ATXN1: variants seen among roughly 807,000 people sequenced by gnomAD.
The protein encoded by ATXN1 is ataxin-1.
In ATXN1, 8 loss-of-function variants were observed where a neutral mutation model predicts 56.4. The observed-to-expected ratio is 0.14, with a 90% CI of 0.08 to 0.26. ATXN1 has a LOEUF of 0.26. ATXN1 is among the 10% of genes least tolerant of loss of function. ATXN1 has a pLI of 1.00. For synonymous variants in ATXN1, 514 were observed against 494.6 expected, an observed-to-expected ratio of 1.04 and a Z score of -0.52; for missense variants, 987 against 1,106.5, an observed-to-expected ratio of 0.89 and a Z score of 1.53.
intron 3 of ATXN1, among the ~76,000 whole-genome samples, chr6:16,636,925 G>A (rs1265679198): frequency 6.6e-6 from 1 of 152,208 alleles, no homozygotes; most frequent in African/African-American, 2.4e-5. Flanking sequence ...AACCATTGTG[G>A]AAGACAGTGT....
intron 2 of ATXN1, among the ~76,000 whole-genome samples, chr6:16,674,478 T>C (rs549375165): frequency 6.6e-6 from 1 of 151,252 alleles, no homozygotes; most frequent in East Asian, 2.0e-4. Flanking sequence ...GCCTCCCAAG[T>C]AGCTGGGATT....
At chr6:16,495,446 A>G (rs1221777367) in intron 5 of ATXN1, among the ~76,000 whole-genome samples, 1 of 152,246 alleles carries the variant, frequency 6.6e-6, no homozygotes, top group Non-Finnish European at 1.5e-5. Flanking sequence ...AGAATTTACC[A>G]AAAGTATTAA....
intron 6 of ATXN1, among the ~76,000 whole-genome samples, chr6:16,454,659 C>T (rs1759830013): frequency 6.6e-6 from 1 of 152,318 alleles, no homozygotes; most frequent in Non-Finnish European, 1.5e-5. Context: ...AGACTTTCCA[C>T]TCTCTTACTG....
chr6:16,343,717 T>A (rs960791934), intron 6 of ATXN1, among the ~76,000 whole-genome samples: 6 of 152,176 alleles, frequency 3.9e-5, no homozygotes, highest in African/African-American at 1.4e-4. Flanking sequence ...AATCAGGGAC[T>A]GGAAAACCTT....
chr6:16,394,582 T>C (rs926223318), intron 6 of ATXN1, among the ~76,000 whole-genome samples: 11 of 152,200 alleles, frequency 7.2e-5, no homozygotes, highest in African/African-American at 2.7e-4. Context: ...TCCTCTTGTC[T>C]AGTTTTCTGC....
At chr6:16,659,558 T>C (rs1295262484) in intron 2 of ATXN1, among the ~76,000 whole-genome samples, 3 of 152,228 alleles carry the variant, frequency 2.0e-5, no homozygotes, top group African/African-American at 7.2e-5. Context: ...TTCCAATGTC[T>C]TCTGCAAAGG....
intron 6 of ATXN1, among the ~76,000 whole-genome samples, chr6:16,423,461 G>A (rs1759077272): frequency 1.3e-5 from 2 of 152,114 alleles, no homozygotes; most frequent in South Asian, 2.1e-4. Context: ...CCATGGGCTC[G>A]AAGACTTGTA....
rs144833593 is a variant in ATXN1 at position 16,706,525 on chromosome 6, C to T, written c.-615+46708G>A. Among the ~76,000 whole-genome samples the T allele has an allele frequency of 2.1e-3, 320 of 152,132 alleles. 5 individuals carry two copies. The highest frequency in any genetic ancestry group is 0.016 in the East Asian group (83 of 5,158). On this transcript the variant is annotated intron_variant, in intron 2 of 7. Coordinates refer to ENST00000436367, the MANE Select transcript of ATXN1 (RefSeq NM_001128164.2). ...GGATCACGAGGTCAGGAGTTCAAGACCATCCTGACCAACAAGGTGAAACCC... is the reference window on the plus strand; with the variant it reads ...GGATCACGAGGTCAGGAGTTCAAGATCATCCTGACCAACAAGGTGAAACCC...
intron 5 of ATXN1, among the ~76,000 whole-genome samples, chr6:16,507,123 G>C (rs1436282807): frequency 6.6e-6 from 1 of 152,200 alleles, no homozygotes; most frequent in African/African-American, 2.4e-5. Flanking sequence ...CATCATATCT[G>C]TGAGATTTTT....
Position 16,299,368 on chromosome 6 carries a change from T to A in ATXN1, c.*6961A>T, listed in dbSNP as rs1183236920. The A allele has an allele frequency of 2.6e-5, 4 of 152,636 alleles. No homozygotes were observed. The highest frequency in any genetic ancestry group is 2.6e-4 in the Admixed American group (4 of 15,286). 9.5% of individuals were successfully genotyped at this position (152,636 alleles called of 1,614,324 possible). A position where few individuals can be genotyped will look rare whatever the true frequency, so the allele number is the denominator to read the frequency against. Reference sequence around the variant, plus strand: ...AGAAAATAGAATATGAATTCTTCCATTTTTTAATATTTGTTTAAAAAAGCT... The same window carrying A: ...AGAAAATAGAATATGAATTCTTCCAATTTTTAATATTTGTTTAAAAAAGCT... On this transcript the variant is annotated 3_prime_UTR_variant, in exon 8 of 8. Coordinates refer to ENST00000436367, the MANE Select transcript of ATXN1 (RefSeq NM_001128164.2).
intron 6 of ATXN1, among the ~76,000 whole-genome samples, chr6:16,478,673 T>A (rs1323599843): frequency 6.6e-6 from 1 of 152,154 alleles, no homozygotes; most frequent in Non-Finnish European, 1.5e-5. Flanking sequence ...AGGAGCCCCA[T>A]GCATTAAGAC....
chr6:16,613,003 C>A (rs569126067), intron 3 of ATXN1, among the ~76,000 whole-genome samples: 1 of 151,812 alleles, frequency 6.6e-6, no homozygotes, highest in South Asian at 2.1e-4. Flanking sequence ...CGGTGGCTCA[C>A]GCCTGTAATC....
intron 2 of ATXN1, among the ~76,000 whole-genome samples, chr6:16,689,415 G>A (rs1268428979): frequency 6.6e-6 from 1 of 151,966 alleles, no homozygotes; most frequent in African/African-American, 2.4e-5. Context: ...CTGGGCCCAT[G>A]GGATCCTCCC....
intron 2 of ATXN1, among the ~76,000 whole-genome samples, chr6:16,690,170 T>C (rs1257946782): frequency 6.6e-6 from 1 of 152,134 alleles, no homozygotes; most frequent in Non-Finnish European, 1.5e-5. Context: ...AGTGACCCTT[T>C]GGCTGGGACT....
Position 16,326,755 on chromosome 6 carries a change from G to C in ATXN1, c.1556C>G (p.Pro519Arg). The C allele has an allele frequency of 6.2e-7, 1 of 1,613,538 alleles. No individual in the cohort carries two copies. Among genetic ancestry groups the C allele is most frequent in the Non-Finnish European group, 8.5e-7 (1 of 1,179,784 alleles). ...VTSSPQFAAV[P>R]HTFVTTALPK... ...AAGGGCGGTGGTGACGAACGTGTGAGGCACTGCAGCAAACTGGGGGGATGA... is the reference window on the plus strand; with the variant it reads ...AAGGGCGGTGGTGACGAACGTGTGACGCACTGCAGCAAACTGGGGGGATGA... The change falls in exon 7 of 8, where the codon CCT becomes CGT. Residue 519 changes from proline to arginine, a missense_variant. Around this residue, in one of 3 missense-constraint regions of ATXN1, gnomAD observed 723 missense variants for 791.7 expected, o/e 0.91. Coordinates refer to ENST00000436367, the MANE Select transcript of ATXN1 (RefSeq NM_001128164.2). This position sits in a 1 kb window ranked among gnomAD's most constrained non-coding sequence, Gnocchi z 6.6.
At chr6:16,337,762 C>T (rs978007404) in intron 6 of ATXN1, among the ~76,000 whole-genome samples, 2 of 152,228 alleles carry the variant, frequency 1.3e-5, no homozygotes, top group African/African-American at 2.4e-5. Context: ...ATGCTTTCCA[C>T]GCTGCCTGGA....
At chr6:16,610,571 G>A (rs74647203) in intron 3 of ATXN1, among the ~76,000 whole-genome samples, 2,415 of 152,014 alleles carry the variant, frequency 0.016, 45 homozygotes, top group South Asian at 0.089. Context: ...TCCTACTAAG[G>A]TATGAGAGTT....
At chr6:16,733,996 G>A (rs1310785590) in intron 2 of ATXN1, among the ~76,000 whole-genome samples, 6 of 152,084 alleles carry the variant, frequency 3.9e-5, no homozygotes, top group African/African-American at 9.7e-5. Flanking sequence ...GGAGGCTGAC[G>A]CAGGAGAATC....
intron 3 of ATXN1, among the ~76,000 whole-genome samples, chr6:16,609,932 C>CA (rs1033100910): frequency 5.3e-5 from 8 of 150,336 alleles, no homozygotes; most frequent in Admixed American, 5.3e-4. Context: ...CACCAACTTA[C>CA]AAAAAAAAAT....
Sources: gnomAD v4.1 joint callset for allele counts (sites outside exome capture counted in the v4.1 genomes callset) on GRCh38, gnomAD v4.1.1 for gene constraint, gnomAD v4.1.1 regional missense constraint, Gnocchi (gnomAD v3.1) non-coding constraint, MANE v1.5 for transcripts, NCBI Gene and HGNC (gene_info 2026-07-23, HGNC 2026-07-21) for gene names.